Variants in FASTKD2 observed in about 807,000 individuals in gnomAD.
The protein encoded by FASTKD2 is FAST kinase domain-containing protein 2, mitochondrial.
Under a neutral mutation model 63.6 loss-of-function variants are expected in FASTKD2, and 51 were observed. That is an observed-to-expected ratio of 0.80 (90% CI 0.64 to 1.01). The LOEUF is 1.01. Ranked by LOEUF, FASTKD2 falls within the 50% of genes least tolerant of loss-of-function variation. The pLI is 0.00. For missense variants in FASTKD2, 786 were observed against 831.1 expected (o/e 0.95, Z 0.67); for synonymous variants, 284 against 293.4 (o/e 0.97, Z 0.33).
In FASTKD2 at chr2:206,791,846, A is replaced by G. The variant is rs1559367888; in HGVS notation, c.*44A>G. 2.5e-6 allele frequency: 4 copies of G among 1,580,596 alleles called. No individual in the cohort carries two copies. Among genetic ancestry groups the G allele is most frequent in the Non-Finnish European group, 2.6e-6 (3 of 1,156,046 alleles). The stretch of plus-strand genomic sequence containing the variant: ...CATATTAGGAGACATGCATTTGTAA[A>G]AATTAATAAAGATGACAAGTCAGTT... On this transcript the variant is annotated 3_prime_UTR_variant, in exon 12 of 12. Transcript: ENST00000402774.
intron 7 of FASTKD2, among the ~76,000 whole-genome samples, chr2:206,774,823 TAAC>T (rs1044271858): frequency 2.6e-5 from 4 of 152,078 alleles, no homozygotes; most frequent in African/African-American, 4.8e-5. Flanking sequence ...ATGATATAGT[TAAC>T]AATATTGTAC....
At position 206,788,120 on chromosome 2, in the gene FASTKD2, C is replaced by T. The variant is rs150016888; in HGVS notation, c.1778C>T (p.Ser593Leu). Reference sequence around the variant, plus strand: ...CTTCTGGGAGGTGAAGGACACTTCTCAAAGGATGTGCACTTGCCACACAAT... The same window carrying T: ...CTTCTGGGAGGTGAAGGACACTTCTTAAAGGATGTGCACTTGCCACACAAT... ...SSLLGGEGHF[S>L]KDVHLPHNYH... is the part of the protein sequence containing the mutation. Residue 593 changes from serine (S) to leucine (L), a missense_variant, in exon 9 of 12, where the codon TCA becomes TTA. By Grantham distance (145) the Ser-to-Leu change is moderately radical (BLOSUM62 -2). Coordinates refer to ENST00000402774, the MANE Select transcript of FASTKD2 (RefSeq NM_001136193.2). 209 of 1,610,306 alleles carry T rather than the reference C, an allele frequency of 1.3e-4. 1 individual carries two copies. Among genetic ancestry groups the T allele is most frequent in the Middle Eastern group, 8.3e-4 (5 of 6,054 alleles).
chr2:206,780,721 C>T (rs1689949103), intron 7 of FASTKD2, among the ~76,000 whole-genome samples: 1 of 152,006 alleles, frequency 6.6e-6, no homozygotes, highest in Non-Finnish European at 1.5e-5. Flanking sequence ...TTTTTCTTCT[C>T]CCGAGACACC....
chr2:206,785,092 CAA>C lies in FASTKD2; in HGVS notation c.1428-1640_1428-1639del, dbSNP rs561569229. ...AAGGCACATCTCACAGGGCAGCAGA[CAA>C]GAGAGACAGCCAAGCAAAAGGGGTT... On this transcript the variant is annotated intron_variant, in intron 7 of 11. Coordinates refer to ENST00000402774, the MANE Select transcript of FASTKD2 (RefSeq NM_001136193.2). 4.6e-5 allele frequency among the ~76,000 whole-genome samples: 7 copies of C among 152,212 alleles called. No homozygotes were observed. The South Asian group carries it at 6.2e-4, about 14-fold the overall frequency.
At chr2:206,769,477 C>T (rs1689609346) in intron 2 of FASTKD2, among the ~76,000 whole-genome samples, 1 of 152,100 alleles carries the variant, frequency 6.6e-6, no homozygotes, top group African/African-American at 2.4e-5. Context: ...CCAGATTATG[C>T]CCACTATTTC....
chr2:206,790,472 G>A (rs931348817), intron 10 of FASTKD2, 100 bp from the exon 11 acceptor site: 22 of 776,402 alleles, frequency 2.8e-5, no homozygotes, highest in East Asian at 9.9e-5. Flanking sequence ...GATTGTGGTC[G>A]GTGGAGAGCT....
chr2:206,769,880 G>T (rs1293899905), intron 2 of FASTKD2, among the ~76,000 whole-genome samples: 2 of 152,230 alleles, frequency 1.3e-5, no homozygotes, highest in East Asian at 3.8e-4. Context: ...AAGTGTTGAT[G>T]CATAAAAGGA....
rs141591037 is a variant in FASTKD2 at position 206,783,370 on chromosome 2, C to T, written c.1428-3363C>T. 355 of 153,716 alleles carry T rather than the reference C, an allele frequency of 2.3e-3. 2 individuals are homozygous for T. The highest frequency in any genetic ancestry group is 7.9e-3 in the African/African-American group (328 of 41,474). The allele number at this position is 153,716 out of a possible 1,614,324, so 9.5% of individuals were successfully genotyped here. A position where few individuals can be genotyped will look rare whatever the true frequency, so the allele number is the denominator to read the frequency against. ...TCTGCTCCTCAGTTGGTAAGCTCTCCGGAGTCCGACCCAGCTGCCTGTTTT... is the reference window on the plus strand; with the variant it reads ...TCTGCTCCTCAGTTGGTAAGCTCTCTGGAGTCCGACCCAGCTGCCTGTTTT... On this transcript the variant is annotated intron_variant, in intron 7 of 11. Transcript: ENST00000402774.
Position 206,791,860 on chromosome 2 carries a change from G to A in FASTKD2, c.*58G>A, listed in dbSNP as rs183337182. 3.9e-4 allele frequency: 598 copies of A among 1,521,700 alleles called. 4 individuals carry two copies. The African/African-American group carries it at 6.9e-3, about 18-fold the overall frequency. 94.3% of individuals were successfully genotyped at this position (1,521,700 alleles called of 1,614,324 possible). ...TGCATTTGTAAAAATTAATAAAGATGACAAGTCAGTTGTCAATGGAATTGA... is the reference window on the plus strand; with the variant it reads ...TGCATTTGTAAAAATTAATAAAGATAACAAGTCAGTTGTCAATGGAATTGA... On this transcript the variant is annotated 3_prime_UTR_variant, in exon 12 of 12. Transcript: ENST00000402774.
Position 206,787,874 on chromosome 2 carries a change from A to G in FASTKD2, c.1595-63A>G, listed in dbSNP as rs138973906. 3.0e-4 allele frequency: 245 copies of G among 815,548 alleles called. 3 individuals are homozygous for G. In the East Asian group the frequency reaches 6.5e-3, roughly 22 times the overall value. 50.5% of individuals were successfully genotyped at this position (815,548 alleles called of 1,614,324 possible). On this transcript the variant is annotated intron_variant, in intron 8 of 11. Coordinates refer to ENST00000402774, the MANE Select transcript of FASTKD2 (RefSeq NM_001136193.2). ...TATAACTATTACTAAATATATACTA[A>G]TATAGTTTTTTAATGTTGCATTTAT...
At position 206,765,616 on chromosome 2, in the gene FASTKD2, T is replaced by C; in HGVS notation, c.-182T>C. 2 of 840,674 alleles carry C rather than the reference T, an allele frequency of 2.4e-6. No homozygotes were observed. The highest frequency in any genetic ancestry group is 3.0e-6 in the Non-Finnish European group (2 of 677,274). The allele number at this position is 840,674 out of a possible 1,614,324, so 52.1% of individuals were successfully genotyped here. A position where few individuals can be genotyped will look rare whatever the true frequency, so the allele number is the denominator to read the frequency against. On this transcript the variant is annotated 5_prime_UTR_variant, in exon 1 of 12. An upstream start codon of the reference 5' UTR is lost. Transcript: ENST00000402774. ...GCGCAGCTTCTCGGGGAAGCTGTCATGGCTGCTCCTGTACGTAGTCACGGT... is the reference window on the plus strand; with the variant it reads ...GCGCAGCTTCTCGGGGAAGCTGTCACGGCTGCTCCTGTACGTAGTCACGGT...
chr2:206,772,195 T>A lies in FASTKD2; in HGVS notation c.1129T>A (p.Cys377Ser). 2.5e-6 allele frequency: 4 copies of A among 1,612,662 alleles called. No individual in the cohort carries two copies. The highest frequency in any genetic ancestry group is 2.5e-6 in the Non-Finnish European group (3 of 1,178,650). Residue 377 changes from cysteine (C) to serine (S), a missense_variant, in exon 6 of 12, where the codon TGT becomes AGT. Cys to Ser is a moderately radical substitution (Grantham distance 112). Transcript: ENST00000402774. ...SKVVLDNIHGCPLRIMINILQ... is the reference protein window; with the variant it reads ...SKVVLDNIHGSPLRIMINILQ... ...CATTCTTCAAGATAATATCCATGGGTGTCCTTTAAGAATAATGATCAACAT... is the reference window on the plus strand; with the variant it reads ...CATTCTTCAAGATAATATCCATGGGAGTCCTTTAAGAATAATGATCAACAT...
chr2:206,791,337 G>A (rs1027343679), intron 11 of FASTKD2: 6 of 266,520 alleles, frequency 2.3e-5, no homozygotes, highest in South Asian at 4.7e-5. Context: ...AATGGATTAC[G>A]TGTGGACTAT....
chr2:206,768,115 C>G (rs193182983), intron 2 of FASTKD2, among the ~76,000 whole-genome samples: 1 of 152,118 alleles, frequency 6.6e-6, no homozygotes, highest in East Asian at 1.9e-4. Flanking sequence ...GAGCCTCTTA[C>G]GGCTAGCTAA....
chr2:206,772,497 A>G (rs1275095647), intron 6 of FASTKD2, among the ~76,000 whole-genome samples, 177 bp downstream of exon 6: 1 of 152,256 alleles, frequency 6.6e-6, no homozygotes, highest in Non-Finnish European at 1.5e-5. Context: ...CTACTTGCTA[A>G]TATGAATAGT....
At chr2:206,778,801 A>G (rs1689890134) in intron 7 of FASTKD2, among the ~76,000 whole-genome samples, 7 of 152,062 alleles carry the variant, frequency 4.6e-5, no homozygotes, top group Admixed American at 4.6e-4. Flanking sequence ...CCATGGCATT[A>G]GGTTCTCATA....
intron 7 of FASTKD2, 57 bp from the exon 8 acceptor site, chr2:206,786,676 G>A (rs141315048): frequency 5.6e-6 from 8 of 1,438,014 alleles, no homozygotes; most frequent in East Asian, 4.5e-5. Context: ...CTTTGGAATC[G>A]TTACAGATAT....
Position 206,792,016 on chromosome 2 carries a change from C to G in FASTKD2, c.*214C>G. On this transcript the variant is annotated 3_prime_UTR_variant, in exon 12 of 12. Transcript: ENST00000402774. ...CAGAAGGGTTATTTTTCCAACCACA[C>G]CTATTCCCTCTAGTGCCCAGATATT... 1 of 554,306 alleles carries G rather than the reference C, an allele frequency of 1.8e-6. No individual in the cohort carries two copies. Among genetic ancestry groups the G allele is most frequent in the Non-Finnish European group, 3.2e-6 (1 of 310,890 alleles). The allele number at this position is 554,306 out of a possible 1,614,324, so 34.3% of individuals were successfully genotyped here.
chr2:206,771,399 G>T, intron 4 of FASTKD2, 109 bp downstream of exon 4: 1 of 719,832 alleles, frequency 1.4e-6, no homozygotes, highest in Non-Finnish European at 2.5e-6. Flanking sequence ...GGGCTTTTAG[G>T]TTTAGCTTCA....
Sources: gnomAD v4.1 joint callset for allele counts (sites outside exome capture counted in the v4.1 genomes callset) on GRCh38, gnomAD v4.1.1 for gene constraint, MANE v1.5 for transcripts, NCBI Gene and HGNC (gene_info 2026-07-23, HGNC 2026-07-21) for gene names.